The following PDCD2 variants were observed in gnomAD, a reference collection of about 807,000 sequenced individuals.
PDCD2 encodes programmed cell death 2.
A neutral mutation model predicts 38.1 loss-of-function variants in PDCD2; 38 were observed. The observed-to-expected ratio is 1.00, with a 90% confidence interval of 0.77 to 1.31. The LOEUF (loss-of-function observed/expected upper bound fraction) is 1.31. Among genes scored for constraint, PDCD2 ranks in the 50% most tolerant of loss-of-function variants. The probability of loss-of-function intolerance (pLI) is 0.00; values close to 1 mark genes in which losing one functional copy is unlikely to be tolerated. For synonymous variants in PDCD2, 205 were observed against 168.9 expected (o/e 1.21, Z -1.66); for missense variants, 473 against 435.7 (o/e 1.09, Z -0.76).
intron 5 of PDCD2, chr6:170,578,587 C>T (rs1049177545): frequency 8.0e-5 from 56 of 702,274 alleles, no homozygotes; most frequent in Non-Finnish European, 1.3e-4. Flanking sequence ...GACATAACCA[C>T]ACTGGAGGTG....
rs1162593678 is a variant in PDCD2, at chr6:170,576,032, A to G, written c.*1527T>C. ...ACTGTGCTTCCTACTAAGTGTTGCG[A>G]CCAGCTCTTGTCACTAGTTGATGAC... On this transcript the variant is annotated 3_prime_UTR_variant, in exon 6 of 6. Transcript: ENST00000541970. 3 of 152,236 alleles carry G rather than the reference A, an allele frequency of 2.0e-5. No individual in the cohort carries two copies. Among genetic ancestry groups the G allele is most frequent in the African/African-American group, 7.2e-5 (3 of 41,456 alleles). The allele number at this position is 152,236 out of a possible 1,614,324, so 9.4% of individuals were successfully genotyped here. A position where few individuals can be genotyped will look rare whatever the true frequency, so the allele number is the denominator to read the frequency against.
At chr6:170,580,714 CAAA>C (rs201965096) in intron 3 of PDCD2, among the ~76,000 whole-genome samples, 1 of 146,708 alleles carries the variant, frequency 6.8e-6, no homozygotes, top group Non-Finnish European at 1.5e-5. Context: ...GACTCCGTCT[CAAA>C]AAAAAAAATG....
rs1015327115 is a variant in PDCD2 at position 170,577,304 on chromosome 6, A to G, written c.*255T>C. On this transcript the variant is annotated 3_prime_UTR_variant, in exon 6 of 6. Transcript: ENST00000541970. ...TAGGATCATACCATGAATACCACCT[A>G]TAATGGTATGTCTGTTGTCAATATA... 1.3e-5 allele frequency: 5 copies of G among 372,054 alleles called. No individual in the cohort carries two copies. The highest frequency in any genetic ancestry group is 8.1e-5 in the African/African-American group (4 of 49,394). 23.0% of individuals were successfully genotyped at this position (372,054 alleles called of 1,614,324 possible). A position where few individuals can be genotyped will look rare whatever the true frequency, so the allele number is the denominator to read the frequency against.
rs551275548 is a variant in PDCD2 at position 170,584,573 on chromosome 6, G to A, written c.9C>T (p.Ala3=). 6.8e-5 allele frequency: 87 copies of A among 1,277,126 alleles called. 3 individuals are homozygous for A. In the South Asian group the frequency reaches 1.9e-3, roughly 28 times the overall value. 79.1% of individuals were successfully genotyped at this position (1,277,126 alleles called of 1,614,324 possible). MA[A]AGARPVELGF... is the part of the protein sequence containing the mutation. ...CCAGCTCCACAGGCCTGGCCCCGGC[G>A]GCAGCCATGCGGGGCGCGGGCTGGC... Residue 3 remains alanine, a synonymous_variant, in exon 1 of 6, where the codon GCC becomes GCT. Coordinates refer to ENST00000541970, the MANE Select transcript of PDCD2 (RefSeq NM_002598.4).
At chr6:170,578,524 G>A in intron 5 of PDCD2, 1 of 671,728 alleles carries the variant, frequency 1.5e-6, no homozygotes, top group Non-Finnish European at 2.7e-6. Flanking sequence ...AACAAGAAAG[G>A]AAGGTATACA....
chr6:170,583,259 A>C, intron 2 of PDCD2, 71 bp from the exon 3 acceptor site: 3 of 1,126,546 alleles, frequency 2.7e-6, no homozygotes, highest in Non-Finnish European at 3.9e-6. Context: ...TGCTGTCTCT[A>C]AAGTACTATA....
intron 5 of PDCD2, chr6:170,578,448 A>G (rs1583139039): frequency 1.8e-6 from 1 of 569,976 alleles, no homozygotes. Flanking sequence ...TAACAAATCC[A>G]CAAACCAAGA....
At chr6:170,578,473 C>CTTTTATATATT in intron 5 of PDCD2, 2 of 600,336 alleles carry the variant, frequency 3.3e-6, no homozygotes, top group Non-Finnish European at 5.9e-6. Flanking sequence ...ACAGTAAAGA[C>CTTTTATATATT]TCCTCTCATA....
chr6:170,578,838 T>G lies in PDCD2; in HGVS notation c.876+19A>C, dbSNP rs764496596. 1.4e-6 allele frequency: 2 copies of G among 1,384,076 alleles called. No homozygotes were observed. The highest frequency in any genetic ancestry group is 2.1e-6 in the Non-Finnish European group (2 of 970,558). 85.7% of individuals were successfully genotyped at this position (1,384,076 alleles called of 1,614,324 possible). A position where few individuals can be genotyped will look rare whatever the true frequency, so the allele number is the denominator to read the frequency against. ...ATCATGGTGATTACACACTAAATGG[T>G]CCTTATTTAAGGTCATACCTGGAAT... On this transcript the variant is annotated intron_variant, in intron 5 of 5. Coordinates refer to ENST00000541970, the MANE Select transcript of PDCD2 (RefSeq NM_002598.4).
At chr6:170,582,091 T>C in intron 3 of PDCD2, 1 of 1,525,912 alleles carries the variant, frequency 6.6e-7, no homozygotes, top group Non-Finnish European at 8.8e-7. Context: ...CGTATAGGCA[T>C]GAACACACGC....
intron 4 of PDCD2, chr6:170,579,274 GA>G (rs17860826): frequency 0.4 from 107,696 of 271,962 alleles, 23,103 homozygotes; most frequent in East Asian, 0.78. Context: ...GACTAAGAAT[GA>G]GCCTCTGCTC....
At chr6:170,579,893 A>G (rs1583140170) in intron 4 of PDCD2, 109 bp downstream of exon 4, 1 of 653,782 alleles carries the variant, frequency 1.5e-6, no homozygotes, top group East Asian at 2.6e-5. Context: ...CTGCTTTTAT[A>G]GGCTCCTAAG....
intron 3 of PDCD2, chr6:170,582,462 G>A (rs1022023493): frequency 1.4e-6 from 2 of 1,410,948 alleles, no homozygotes; most frequent in African/African-American, 2.9e-5. Context: ...GTTATACCCA[G>A]AACCTCAATT....
chr6:170,578,831 T>G (rs1455426497), intron 5 of PDCD2, 26 bp downstream of exon 5: 1 of 1,345,680 alleles, frequency 7.4e-7, no homozygotes, highest in East Asian at 2.3e-5. Flanking sequence ...GATTACACAC[T>G]AAATGGTCCT....
At position 170,577,337 on chromosome 6, in the gene PDCD2, T is replaced by C. The variant is rs1335635845; in HGVS notation, c.*222A>G. 3 of 476,116 alleles carry C rather than the reference T, an allele frequency of 6.3e-6. No individual in the cohort carries two copies. Among genetic ancestry groups the C allele is most frequent in the Non-Finnish European group, 1.1e-5 (3 of 263,814 alleles). The allele number at this position is 476,116 out of a possible 1,614,324, so 29.5% of individuals were successfully genotyped here. A position where few individuals can be genotyped will look rare whatever the true frequency, so the allele number is the denominator to read the frequency against. On this transcript the variant is annotated 3_prime_UTR_variant, in exon 6 of 6. Coordinates refer to ENST00000541970, the MANE Select transcript of PDCD2 (RefSeq NM_002598.4). ...ATGTCTGTTGTCAATATAGGTGTTA[T>C]AATTAAGACTGTGTAGCCTTCCTCT...
At chr6:170,583,285 G>A (rs1779672880) in intron 2 of PDCD2, 97 bp from the exon 3 acceptor site, 2 of 978,604 alleles carry the variant, frequency 2.0e-6, no homozygotes, top group African/African-American at 1.6e-5. Context: ...TATAGTTCTG[G>A]CATTTTAGAT....
At chr6:170,578,456 A>G in intron 5 of PDCD2, 1 of 581,870 alleles carries the variant, frequency 1.7e-6, no homozygotes, top group Non-Finnish European at 3.0e-6. Flanking sequence ...CCACAAACCA[A>G]GATTAAACAG....
chr6:170,583,546 AG>A lies in PDCD2; in HGVS notation c.484del (p.Leu162Ter). On this transcript the variant is annotated frameshift_variant, in exon 2 of 6. Transcript: ENST00000541970. LOFTEE classifies it high-confidence loss of function. ...CTGCTTATGTCCCAATCTCCAGTCT[AG>A]GGTCTGATGCTCCTTGCTGCAGTAA... ...AYYCSKEHQT[L>X]DWRLGHKQAC... 7 of 1,613,784 alleles carry A rather than the reference AG, an allele frequency of 4.3e-6. No homozygotes were observed. The highest frequency in any genetic ancestry group is 5.9e-6 in the Non-Finnish European group (7 of 1,179,724).
chr6:170,584,608 A>T lies in PDCD2; in HGVS notation c.-27T>A. On this transcript the variant is annotated 5_prime_UTR_variant, in exon 1 of 6. Coordinates refer to ENST00000541970, the MANE Select transcript of PDCD2 (RefSeq NM_002598.4). ...CGGGGCGCGGGCTGGCGTGGGGCGC[A>T]GCCCACAGCTGGGTCGGAAGGCGGA... 8.2e-7 allele frequency: 1 copy of T among 1,215,418 alleles called. No homozygotes were observed. Among genetic ancestry groups the T allele is most frequent in the Non-Finnish European group, 1.0e-6 (1 of 964,834 alleles). 75.3% of individuals were successfully genotyped at this position (1,215,418 alleles called of 1,614,324 possible).
Sources: gnomAD v4.1 joint callset for allele counts (sites outside exome capture counted in the v4.1 genomes callset) on GRCh38, gnomAD v4.1.1 for gene constraint, MANE v1.5 for transcripts, NCBI Gene and HGNC (gene_info 2026-07-23, HGNC 2026-07-21) for gene names.